The following CACNA2D3 variants were observed in gnomAD, a reference collection of about 807,000 sequenced individuals.
CACNA2D3 encodes calcium voltage-gated channel auxiliary subunit alpha2delta 3.
A neutral mutation model predicts 160.6 loss-of-function variants in CACNA2D3; 60 were observed. That is an observed-to-expected ratio of 0.37 (90% CI 0.30 to 0.46). The LOEUF (loss-of-function observed/expected upper bound fraction) is 0.46. Ranked by LOEUF, CACNA2D3 falls within the 20% of genes least tolerant of loss-of-function variation. The probability of loss-of-function intolerance (pLI) is 1.00; values close to 1 mark genes in which losing one functional copy is unlikely to be tolerated. For missense variants in CACNA2D3, 1,205 were observed against 1,365.0 expected (o/e 0.88, Z 1.85); for synonymous variants, 558 against 492.9 (o/e 1.13, Z -1.75).
At chr3:54,535,037 A>G (rs1427931446) in intron 5 of CACNA2D3, among the ~76,000 whole-genome samples, 1 of 152,198 alleles carries the variant, frequency 6.6e-6, no homozygotes, top group African/African-American at 2.4e-5. Flanking sequence ...CCACTACTGA[A>G]ATTGTTTTAT....
rs191009635 is a variant in CACNA2D3, at chr3:54,818,433, G to A, written c.1398+1563G>A. On this transcript the variant is annotated intron_variant, in intron 14 of 37. Transcript: ENST00000474759. ...TGACCTTAGGTGATCTGCCTGCCTCGGCCTCAAAATGCTGGGATACAGTGA... is the reference window on the plus strand; with the variant it reads ...TGACCTTAGGTGATCTGCCTGCCTCAGCCTCAAAATGCTGGGATACAGTGA... Among the ~76,000 whole-genome samples, 847 of 152,248 alleles carry A rather than the reference G, an allele frequency of 5.6e-3. 9 individuals carry two copies. The highest frequency in any genetic ancestry group is 0.018 in the African/African-American group (739 of 41,552).
intron 13 of CACNA2D3, 35 bp from the exon 14 acceptor site, chr3:54,816,818 T>G (rs958352185): frequency 1.2e-6 from 2 of 1,610,280 alleles, no homozygotes; most frequent in Non-Finnish European, 1.7e-6. Flanking sequence ...GATCAACTTT[T>G]TTCTTTTTTG....
chr3:54,871,414 C>G lies in CACNA2D3; in HGVS notation c.1627-125C>G, dbSNP rs543872556. ...CTAGGACTGTCACCCTGCTGGGCTT[C>G]TCACCCTCATCGGTCCACTCCCAAG... is the stretch of plus-strand genomic sequence containing the variant. On this transcript the variant is annotated intron_variant, in intron 17 of 37. Coordinates refer to ENST00000474759, the MANE Select transcript of CACNA2D3 (RefSeq NM_018398.3). 44 of 649,456 alleles carry G rather than the reference C, an allele frequency of 6.8e-5. No homozygotes were observed. The African/African-American group carries it at 7.3e-4, about 11-fold the overall frequency. The allele number at this position is 649,456 out of a possible 1,614,324, so 40.2% of individuals were successfully genotyped here. A position where few individuals can be genotyped will look rare whatever the true frequency, so the allele number is the denominator to read the frequency against.
chr3:54,971,411 G>A (rs958962900), intron 29 of CACNA2D3, among the ~76,000 whole-genome samples: 3 of 152,144 alleles, frequency 2.0e-5, no homozygotes, highest in Admixed American at 6.5e-5. Flanking sequence ...CTTGCACAGT[G>A]GGTATAATTA....
At chr3:54,679,520 T>C (rs1224616644) in intron 11 of CACNA2D3, among the ~76,000 whole-genome samples, 1 of 152,094 alleles carries the variant, frequency 6.6e-6, no homozygotes, top group Non-Finnish European at 1.5e-5. Flanking sequence ...CTGCTTGCAG[T>C]TTTCCAGATT....
At chr3:54,535,271 A>ACCG (rs1701871604) in intron 5 of CACNA2D3, among the ~76,000 whole-genome samples, 3 of 152,240 alleles carry the variant, frequency 2.0e-5, no homozygotes, top group Non-Finnish European at 2.9e-5. Flanking sequence ...TTTTTTTACA[A>ACCG]GTCCTCCAGT....
At chr3:54,871,186 C>A (rs1699519490) in intron 17 of CACNA2D3, among the ~76,000 whole-genome samples, 2 of 79,488 alleles carry the variant, frequency 2.5e-5, no homozygotes, top group African/African-American at 1.1e-4. Flanking sequence ...GGTGGAGACA[C>A]ACACACACAC....
intron 3 of CACNA2D3, among the ~76,000 whole-genome samples, chr3:54,337,880 T>G (rs776058987): frequency 2.0e-5 from 3 of 152,134 alleles, no homozygotes; most frequent in Admixed American, 6.5e-5. Context: ...CTGGAATGCT[T>G]TATAGGTTAT....
At chr3:54,648,219 C>T (rs1283210261) in intron 11 of CACNA2D3, among the ~76,000 whole-genome samples, 5 of 152,258 alleles carry the variant, frequency 3.3e-5, no homozygotes, top group East Asian at 1.9e-4. Context: ...TTATGAGTTA[C>T]GAATGATTTT....
intron 4 of CACNA2D3, among the ~76,000 whole-genome samples, chr3:54,461,770 G>A (rs368087399): frequency 1.4e-4 from 21 of 151,786 alleles, no homozygotes; most frequent in East Asian, 5.8e-4. Flanking sequence ...TTGTGTCTCT[G>A]TTTCCTTCAG....
chr3:54,874,978 A>G (rs1699624870), intron 18 of CACNA2D3: 1 of 152,152 alleles, frequency 6.6e-6, no homozygotes, highest in South Asian at 2.1e-4. Context: ...GAATCTAACT[A>G]CAATCCCTTC....
intron 4 of CACNA2D3, among the ~76,000 whole-genome samples, chr3:54,490,860 G>T (rs1346590062): frequency 6.6e-6 from 1 of 152,140 alleles, no homozygotes; most frequent in Non-Finnish European, 1.5e-5. Context: ...CTTGAGCCCT[G>T]CAGGTGTGAT....
chr3:54,490,504 C>T (rs1701091858), intron 4 of CACNA2D3, among the ~76,000 whole-genome samples: 1 of 152,222 alleles, frequency 6.6e-6, no homozygotes, highest in Admixed American at 6.5e-5. Flanking sequence ...TGGGAAGGCT[C>T]TTCCTAGCTG....
At chr3:54,880,262 T>C (rs1699762146) in intron 20 of CACNA2D3, among the ~76,000 whole-genome samples, 1 of 152,212 alleles carries the variant, frequency 6.6e-6, no homozygotes, top group Non-Finnish European at 1.5e-5. Flanking sequence ...AAAAACGGAA[T>C]GGATCTTAAA....
At chr3:54,172,842 G>A (rs978554042) in intron 2 of CACNA2D3, among the ~76,000 whole-genome samples, 1 of 152,182 alleles carries the variant, frequency 6.6e-6, no homozygotes, top group African/African-American at 2.4e-5. Context: ...GGATTACAAA[G>A]AGAAATCAAG....
intron 27 of CACNA2D3, among the ~76,000 whole-genome samples, chr3:54,936,352 T>G (rs1701328597): frequency 6.6e-6 from 1 of 152,198 alleles, no homozygotes; most frequent in African/African-American, 2.4e-5. Context: ...TTTCGTATTA[T>G]AAAGCCTTTG....
chr3:54,769,900 G>C (rs983857738), intron 13 of CACNA2D3, among the ~76,000 whole-genome samples: 1 of 152,118 alleles, frequency 6.6e-6, no homozygotes, highest in Non-Finnish European at 1.5e-5. Flanking sequence ...TGTGAGCCAG[G>C]CACTAATGTC....
chr3:54,523,512 G>A (rs970030528), intron 5 of CACNA2D3, among the ~76,000 whole-genome samples: 3 of 152,080 alleles, frequency 2.0e-5, no homozygotes, highest in Admixed American at 1.3e-4. Context: ...TGTCTTTGAC[G>A]TTTTGGTATC....
chr3:54,763,854 TATAC>T (rs1395253093), intron 12 of CACNA2D3, among the ~76,000 whole-genome samples: 1 of 34,778 alleles, frequency 2.9e-5, no homozygotes, highest in Non-Finnish European at 6.1e-5. Context: ...TGTACATATA[TATAC>T]ATATATATAT....
Sources: allele counts gnomAD v4.1 joint callset (sites outside exome capture counted in the v4.1 genomes callset), GRCh38; gene constraint gnomAD v4.1.1; transcripts MANE v1.5; gene names NCBI Gene and HGNC (gene_info 2026-07-23, HGNC 2026-07-21).